Variants in LEMD3 observed in about 807,000 individuals in gnomAD.
The protein encoded by LEMD3 is LEM domain containing 3.
LEMD3 carries 33 observed loss-of-function variants against 95.2 expected under a neutral mutation model. That is an observed-to-expected ratio of 0.35 (90% CI 0.26 to 0.46). The LOEUF (loss-of-function observed/expected upper bound fraction) is 0.46, where lower values mean the gene tolerates loss of function less well. Ranked by LOEUF, LEMD3 falls within the 20% of genes least tolerant of loss-of-function variation. The pLI, the probability that LEMD3 is intolerant of heterozygous loss-of-function variation, is 1.00. For missense variants in LEMD3, 1,210 were observed against 1,192.8 expected, an observed-to-expected ratio of 1.01 and a Z score of -0.21; for synonymous variants, 525 against 474.6, an observed-to-expected ratio of 1.11 and a Z score of -1.38.
intron 2 of LEMD3, among the ~76,000 whole-genome samples, chr12:65,215,425 T>C (rs1870077988): frequency 6.6e-6 from 1 of 152,206 alleles, no homozygotes; most frequent in Non-Finnish European, 1.5e-5. Context: ...GGTCTCTCGC[T>C]TTGCTGAGAG....
intron 1 of LEMD3, among the ~76,000 whole-genome samples, chr12:65,198,717 C>A (rs1431580922): frequency 2.0e-5 from 3 of 152,112 alleles, no homozygotes; most frequent in South Asian, 2.1e-4. Context: ...TAATTTAAAT[C>A]ATCTTTAGAT....
At chr12:65,204,419 G>A (rs1201074133) in intron 1 of LEMD3, among the ~76,000 whole-genome samples, 1 of 152,128 alleles carries the variant, frequency 6.6e-6, no homozygotes, top group African/African-American at 2.4e-5. Flanking sequence ...TTATAAGTGA[G>A]AACATAGAGT....
chr12:65,218,730 G>A (rs1024454099), intron 4 of LEMD3, 111 bp downstream of exon 4: 13 of 652,246 alleles, frequency 2.0e-5, no homozygotes, highest in Non-Finnish European at 3.2e-5. Context: ...TTAAAAGCTT[G>A]GGCCTGCTGT....
chr12:65,243,323 ATGAT>A (rs1870989858), intron 9 of LEMD3, 61 bp from the exon 10 acceptor site: 5 of 975,720 alleles, frequency 5.1e-6, no homozygotes, highest in Non-Finnish European at 8.4e-6. Context: ...AATGAACTGA[ATGAT>A]TGAATACCTT....
intron 1 of LEMD3, among the ~76,000 whole-genome samples, chr12:65,194,701 ACCTTAGCAGAATTTGGGCTCCTC>A (rs1423140720): frequency 1.3e-4 from 19 of 151,548 alleles, no homozygotes; most frequent in Admixed American, 2.6e-4. Context: ...TGATATCTAT[ACCTTAGCAGAATTTGGGCTCCTC>A]TCATCTTCCT....
At chr12:65,218,520 A>G (rs747586359) in intron 3 of LEMD3, 32 bp from the exon 4 acceptor site, 1 of 1,414,144 alleles carries the variant, frequency 7.1e-7, no homozygotes, top group Non-Finnish European at 1.0e-6. Flanking sequence ...GAGAGTACTG[A>G]TTCAAAATTA....
In LEMD3 at chr12:65,172,808, C is replaced by T. The variant is rs542123576; in HGVS notation, c.1522+1690C>T. Among the ~76,000 whole-genome samples, 220 of 151,844 alleles carry T rather than the reference C, an allele frequency of 1.4e-3. 2 individuals carry two copies. Among genetic ancestry groups the T allele is most frequent in the African/African-American group, 4.5e-3 (185 of 41,380 alleles). On this transcript the variant is annotated intron_variant, in intron 1 of 12. Transcript: ENST00000308330. ...TGGCACAATCTCTGGTCACTGCAAC[C>T]TCCGCCTCCTGGGTTCAAGTGATTC...
chr12:65,173,747 A>G (rs1868627008), intron 1 of LEMD3, among the ~76,000 whole-genome samples: 2 of 152,216 alleles, frequency 1.3e-5, no homozygotes, highest in Admixed American at 6.5e-5. Context: ...TTAACCTAAC[A>G]TTTGATTTTT....
intron 6 of LEMD3, 71 bp from the exon 7 acceptor site, chr12:65,239,858 A>T (rs1364985351): frequency 9.7e-7 from 1 of 1,034,030 alleles, no homozygotes; most frequent in East Asian, 2.6e-5. Context: ...TGGCAGTTAA[A>T]ATAATCACTG....
Position 65,170,898 on chromosome 12 carries a change from T to C in LEMD3, c.1302T>C (p.His434=), listed in dbSNP as rs1868525651. Residue 434 remains histidine (H), a synonymous_variant, in exon 1 of 13, where the codon CAT becomes CAC. Transcript: ENST00000308330. ...INHANHTGSN[H]TYLKNTYNKP... ...ACGCCAATCATACGGGCTCCAATCA[T>C]ACCTACCTGAAAAACACATACAACA... 2 of 1,614,192 alleles carry C rather than the reference T, an allele frequency of 1.2e-6. No individual in the cohort carries two copies. Among genetic ancestry groups the C allele is most frequent in the Non-Finnish European group, 1.7e-6 (2 of 1,180,038 alleles).
intron 10 of LEMD3, 70 bp downstream of exon 10, chr12:65,243,539 T>C: frequency 1.2e-6 from 1 of 865,646 alleles, no homozygotes; most frequent in East Asian, 2.4e-5. Context: ...CATGATATTC[T>C]TATAATGGTG....
At chr12:65,226,210 G>A (rs1399663035) in intron 4 of LEMD3, among the ~76,000 whole-genome samples, 1 of 152,150 alleles carries the variant, frequency 6.6e-6, no homozygotes, top group Admixed American at 6.5e-5. Flanking sequence ...ATCATTAGAT[G>A]TATGTTCTAG....
At chr12:65,243,029 A>G (rs1014188972) in intron 9 of LEMD3, among the ~76,000 whole-genome samples, 6 of 151,988 alleles carry the variant, frequency 3.9e-5, no homozygotes, top group African/African-American at 1.5e-4. Flanking sequence ...CTTCCTTTAC[A>G]CACCTCTCTT....
chr12:65,240,956 C>T lies in LEMD3; in HGVS notation c.2174C>T (p.Ala725Val). The change falls in exon 9 of 13, where the codon GCT (alanine) becomes GTT (valine). Residue 725 changes from alanine to valine, a missense_variant. Ala to Val is a moderately conservative substitution (Grantham distance 64). Around this residue, in one of 2 missense-constraint regions of LEMD3, gnomAD observed 461 missense variants for 569.8 expected, o/e 0.81. Transcript: ENST00000308330. ...GATAGAGCTGTTGACTTCCTTGCTG[C>T]TAATGAGTCTAGAGTTCGCACGGAA... is the stretch of plus-strand genomic sequence containing the variant. ...VWDRAVDFLA[A>V]NESRVRTETR... is the part of the protein sequence containing the mutation. The T allele has an allele frequency of 1.2e-6, 2 of 1,614,076 alleles. No individual in the cohort carries two copies. The highest frequency in any genetic ancestry group is 1.7e-6 in the Non-Finnish European group (2 of 1,179,954).
chr12:65,240,384 T>C, intron 8 of LEMD3, 146 bp downstream of exon 8: 3 of 651,386 alleles, frequency 4.6e-6, no homozygotes, highest in Non-Finnish European at 8.2e-6. Flanking sequence ...GTTTTTGTAC[T>C]TTATACTCTC....
At chr12:65,229,386 G>A (rs1223739560) in intron 4 of LEMD3, among the ~76,000 whole-genome samples, 1 of 151,898 alleles carries the variant, frequency 6.6e-6, no homozygotes, top group Non-Finnish European at 1.5e-5. Flanking sequence ...TCTTTCCTTT[G>A]GATATATACC....
At chr12:65,198,610 T>C (rs1241169846) in intron 1 of LEMD3, among the ~76,000 whole-genome samples, 3 of 152,068 alleles carry the variant, frequency 2.0e-5, no homozygotes, top group Admixed American at 6.6e-5. Context: ...GGGGGATTTA[T>C]TCCAGAACCC....
Position 65,231,191 on chromosome 12 carries a change from T to G in LEMD3, c.1696-7311T>G, listed in dbSNP as rs191072198. ...TGTGTGTTTTTGTTACCTTTTCTTT[T>G]TGGAATCTCATTTTTCATGTTTTTC... On this transcript the variant is annotated intron_variant, in intron 4 of 12. Transcript: ENST00000308330. 9.8e-5 allele frequency among the ~76,000 whole-genome samples: 15 copies of G among 152,292 alleles called. No homozygotes were observed. In the East Asian group the frequency reaches 2.7e-3, roughly 27 times the overall value.
At chr12:65,222,190 T>C (rs1029946803) in intron 4 of LEMD3, among the ~76,000 whole-genome samples, 2 of 152,220 alleles carry the variant, frequency 1.3e-5, no homozygotes, top group Admixed American at 1.3e-4. Context: ...TCAAATGCTT[T>C]TTCTGCATCT....
Sources: gnomAD v4.1 joint callset for allele counts (sites outside exome capture counted in the v4.1 genomes callset) on GRCh38, gnomAD v4.1.1 for gene constraint, gnomAD v4.1.1 regional missense constraint, MANE v1.5 for transcripts, NCBI Gene and HGNC (gene_info 2026-07-23, HGNC 2026-07-21) for gene names.